IL37: variants seen among roughly 807,000 people sequenced by gnomAD.
IL37 encodes the protein interleukin 37, also known as interleukin-37.
IL37 carries 15 observed loss-of-function variants against 15.4 expected under a neutral mutation model. The ratio of observed to expected loss-of-function variants is 0.98; its 90% CI spans 0.65 to 1.50. The LOEUF is 1.50. IL37 is among the 40% of genes most tolerant of loss of function. IL37 has a pLI of 0.00. For synonymous variants in IL37, 98 were observed against 97.4 expected, an observed-to-expected ratio of 1.01 and a Z score of -0.03; for missense variants, 269 against 261.7, an observed-to-expected ratio of 1.03 and a Z score of -0.19.
At position 112,918,717 on chromosome 2, in the gene IL37, G is replaced by A. The variant is rs2104981777; in HGVS notation, c.565G>A (p.Val189Met). The change falls in exon 6 of 6, where the codon GTG becomes ATG. Residue 189 changes from valine to methionine, a missense_variant. Coordinates refer to ENST00000263326, the MANE Select transcript of IL37 (RefSeq NM_014439.4). Reference sequence around the variant, plus strand: ...CTGCAATTGTAATGAGCCTGTTGGGGTGACAGATAAATTTGAGAACAGGAA... The same window carrying A: ...CTGCAATTGTAATGAGCCTGTTGGGATGACAGATAAATTTGAGAACAGGAA... ...TSCNCNEPVG[V>M]TDKFENRKHI... 6.2e-7 allele frequency: 1 copy of A among 1,614,150 alleles called. No homozygotes were observed. Among genetic ancestry groups the A allele is most frequent in the East Asian group, 2.2e-5 (1 of 44,866 alleles).
Position 112,917,731 on chromosome 2 carries a change from A to C in IL37, c.362A>C (p.Tyr121Ser). 1 of 1,614,054 alleles carries C rather than the reference A, an allele frequency of 6.2e-7. No homozygotes were observed. Among genetic ancestry groups the C allele is most frequent in the Non-Finnish European group, 8.5e-7 (1 of 1,179,932 alleles). Residue 121 changes from tyrosine (Y) to serine (S), a missense_variant, in exon 5 of 6, where the codon TAC becomes TCC. Physicochemically the swap from Tyr to Ser is moderately radical, Grantham distance 144. Transcript: ENST00000263326. Reference sequence around the variant, plus strand: ...GTCTCTAAAGGGGAGTTTTGTCTCTACTGTGACAAGGATAAAGGACAAAGT... The same window carrying C: ...GTCTCTAAAGGGGAGTTTTGTCTCTCCTGTGACAAGGATAAAGGACAAAGT... ...LGVSKGEFCL[Y>S]CDKDKGQSHP...
intron 1 of IL37, among the ~76,000 whole-genome samples, 120 bp downstream of exon 1, chr2:112,911,368 A>G (rs1424866357): frequency 1.3e-5 from 2 of 152,188 alleles, no homozygotes; most frequent in Non-Finnish European, 2.9e-5. Context: ...GAATTTCTAA[A>G]TATGATCTCT....
At chr2:112,915,986 T>C (rs1683301988) in intron 3 of IL37, among the ~76,000 whole-genome samples, 1 of 149,722 alleles carries the variant, frequency 6.7e-6, no homozygotes, top group Non-Finnish European at 1.5e-5. Context: ...CAGAGGGGGC[T>C]GAGGAGGGCT....
rs1194085018 is a variant in IL37, at chr2:112,913,072, T to C, written c.60T>C (p.Asp20=). Reference sequence around the variant, plus strand: ...TGGGCTCTGAGGACTGGGAAAAAGATGAACCCCAGTGCTGCTTAGAAGGTA... The same window carrying C: ...TGGGCTCTGAGGACTGGGAAAAAGACGAACCCCAGTGCTGCTTAGAAGGTA... The part of the protein sequence containing the change: ...VKMGSEDWEK[D]EPQCCLEDPA... Residue 20 remains aspartate, a synonymous_variant, in exon 2 of 6, where the codon GAT becomes GAC. Coordinates refer to ENST00000263326, the MANE Select transcript of IL37 (RefSeq NM_014439.4). The C allele has an allele frequency of 1.3e-6, 2 of 1,569,710 alleles. No individual in the cohort carries two copies. The highest frequency in any genetic ancestry group is 1.7e-6 in the Non-Finnish European group (2 of 1,163,342).
intron 4 of IL37, 122 bp downstream of exon 4, chr2:112,917,370 G>T (rs1683339676): frequency 1.7e-6 from 2 of 1,182,934 alleles, no homozygotes. Context: ...AAGCGAGGAG[G>T]AGAGGCCCCA....
chr2:112,913,063 G>A lies in IL37; in HGVS notation c.51G>A (p.Trp17Ter), dbSNP rs1278412595. 1.9e-6 allele frequency: 3 copies of A among 1,570,790 alleles called. No individual in the cohort carries two copies. Among genetic ancestry groups the A allele is most frequent in the Non-Finnish European group, 2.6e-6 (3 of 1,164,066 alleles). ...GAGTGAAAATGGGCTCTGAGGACTG[G>A]GAAAAAGATGAACCCCAGTGCTGCT... ...NSGVKMGSED[W>*]EKDEPQCCLE... The change falls in exon 2 of 6, where the codon TGG (tryptophan) becomes TGA (stop). Residue 17 changes from tryptophan to a stop codon, truncating the protein, a stop_gained. Coordinates refer to ENST00000263326, the MANE Select transcript of IL37 (RefSeq NM_014439.4). LOFTEE classifies it high-confidence loss of function.
chr2:112,915,050 C>T (rs1683270385), intron 3 of IL37: 2 of 631,008 alleles, frequency 3.2e-6, no homozygotes, highest in East Asian at 2.9e-5. Context: ...AGTACAACTT[C>T]CCTATAGAAA....
intron 3 of IL37, among the ~76,000 whole-genome samples, chr2:112,914,932 A>C (rs2723176): frequency 0.91 from 138,257 of 152,200 alleles, 64,020 homozygotes; most frequent in Non-Finnish European, 1. Context: ...CTTTAACAAG[A>C]CTTCCAGGTT....
intron 5 of IL37, 120 bp downstream of exon 5, chr2:112,917,897 C>G (rs1242840032): frequency 2.0e-5 from 21 of 1,055,980 alleles, no homozygotes; most frequent in Non-Finnish European, 3.0e-5. Context: ...GGGACATCCA[C>G]CTTTCTGGAA....
intron 1 of IL37, among the ~76,000 whole-genome samples, chr2:112,912,500 A>G (rs1220859383): frequency 6.6e-6 from 1 of 152,190 alleles, no homozygotes; most frequent in Non-Finnish European, 1.5e-5. Context: ...GATGGTAAGT[A>G]TTTTAGGCTT....
At chr2:112,913,299 T>C (rs1683218820) in intron 2 of IL37, among the ~76,000 whole-genome samples, 1 of 152,216 alleles carries the variant, frequency 6.6e-6, no homozygotes, top group Non-Finnish European at 1.5e-5. Flanking sequence ...CATCAGGTAG[T>C]AGATAAAAGG....
intron 3 of IL37, among the ~76,000 whole-genome samples, chr2:112,915,472 G>A (rs540711767): frequency 9.8e-5 from 15 of 152,288 alleles, no homozygotes; most frequent in Non-Finnish European, 2.2e-4. Context: ...CAGACCAGCA[G>A]CACCCACAGC....
Position 112,918,570 on chromosome 2 carries a change from C to A in IL37, c.418C>A (p.Leu140Met). ...CCCTTTTACCTCACAGAAGGAGAAA[C>A]TGATGAAGCTGGCTGCCCAAAAGGA... is the stretch of plus-strand genomic sequence containing the variant. The part of the protein sequence containing the change: ...HPSLQLKKEK[L>M]MKLAAQKESA... The change falls in exon 6 of 6, where the codon CTG (leucine) becomes ATG (methionine). Residue 140 changes from leucine (L) to methionine (M), a missense_variant. Transcript: ENST00000263326. The A allele has an allele frequency of 6.2e-7, 1 of 1,610,404 alleles. No homozygotes were observed.
intron 3 of IL37, among the ~76,000 whole-genome samples, chr2:112,916,705 A>G (rs1683319831): frequency 6.6e-6 from 1 of 152,232 alleles, no homozygotes; most frequent in African/African-American, 2.4e-5. Flanking sequence ...TAAGAAAAAC[A>G]ATGATTATAA....
At chr2:112,917,061 G>T in intron 3 of IL37, 68 bp from the exon 4 acceptor site, 2 of 1,579,326 alleles carry the variant, frequency 1.3e-6, no homozygotes, top group South Asian at 1.1e-5. Context: ...GCCCTTGGAC[G>T]TGGGGAAGAA....
chr2:112,913,118 C>G, intron 2 of IL37, 24 bp downstream of exon 2: 1 of 1,481,132 alleles, frequency 6.8e-7, no homozygotes, highest in Non-Finnish European at 9.0e-7. Context: ...AGAAATCTAC[C>G]TCAGGGCCAA....
Position 112,913,007 on chromosome 2 carries a change from T to A in IL37, c.-6T>A. Reference sequence around the variant, plus strand: ...TTTCTGTTGAGTAATAAACTCAACGTTGAAAATGTCCTTTGTGGGGGAGAA... The same window carrying A: ...TTTCTGTTGAGTAATAAACTCAACGATGAAAATGTCCTTTGTGGGGGAGAA... On this transcript the variant is annotated 5_prime_UTR_variant, in exon 2 of 6. In the 5' UTR this introduces an upstream ATG that the reference lacks. Transcript: ENST00000263326. 6.4e-7 allele frequency: 1 copy of A among 1,574,754 alleles called. No homozygotes were observed. Among genetic ancestry groups the A allele is most frequent in the South Asian group, 1.2e-5 (1 of 83,900 alleles).
intron 3 of IL37, among the ~76,000 whole-genome samples, chr2:112,916,728 A>G (rs1683320787): frequency 6.6e-6 from 1 of 152,254 alleles, no homozygotes; most frequent in African/African-American, 2.4e-5. Flanking sequence ...AGTCCTTTTT[A>G]TACGCCAGAC....
intron 5 of IL37, 115 bp downstream of exon 5, chr2:112,917,892 A>G: frequency 9.0e-7 from 1 of 1,105,726 alleles, no homozygotes; most frequent in Non-Finnish European, 1.3e-6. Context: ...TAACAGGGAC[A>G]TCCACCTTTC....
Sources: allele counts gnomAD v4.1 joint callset (sites outside exome capture counted in the v4.1 genomes callset), GRCh38; gene constraint gnomAD v4.1.1; transcripts MANE v1.5; gene names NCBI Gene and HGNC (gene_info 2026-07-23, HGNC 2026-07-21).